The following GPD2 variants were observed in gnomAD, a reference collection of about 807,000 sequenced individuals.
The protein encoded by GPD2 is glycerol-3-phosphate dehydrogenase 2, also known as glycerol-3-phosphate dehydrogenase, mitochondrial.
Under a neutral mutation model 82.4 loss-of-function variants are expected in GPD2, and 54 were observed. That is an observed-to-expected ratio of 0.66 (90% CI 0.53 to 0.82). GPD2 has a LOEUF of 0.82. GPD2 is among the 40% of genes least tolerant of loss of function. The probability of loss-of-function intolerance (pLI) is 0.00; values close to 1 mark genes in which losing one functional copy is unlikely to be tolerated. For missense variants in GPD2, 748 were observed against 896.2 expected, an observed-to-expected ratio of 0.83 and a Z score of 2.11; for synonymous variants, 288 against 306.1, an observed-to-expected ratio of 0.94 and a Z score of 0.62.
rs1006594833 is a variant in GPD2, at chr2:156,457,833, T to C, written c.-8-18265T>C. Among the ~76,000 whole-genome samples the C allele has an allele frequency of 9.2e-5, 14 of 152,384 alleles. No homozygotes were observed. The East Asian group carries it at 2.1e-3, about 23-fold the overall frequency. ...TTATTGTAGATGCTCAGTAATGTTA[T>C]GTATTAGCAGTGGGAGTTGTTGGAT... On this transcript the variant is annotated intron_variant, in intron 1 of 16. Transcript: ENST00000438166.
intron 1 of GPD2, among the ~76,000 whole-genome samples, chr2:156,441,450 C>G (rs949804027): frequency 2.0e-5 from 3 of 151,830 alleles, no homozygotes; most frequent in African/African-American, 7.3e-5. Flanking sequence ...TCCTCACTAC[C>G]CTGGAGGCTG....
intron 16 of GPD2, among the ~76,000 whole-genome samples, chr2:156,580,490 A>T (rs1038041230): frequency 6.6e-6 from 1 of 152,228 alleles, no homozygotes; most frequent in Non-Finnish European, 1.5e-5. Context: ...CTAACTGTCC[A>T]TATGACTCTG....
At chr2:156,562,764 T>C (rs1982059) in intron 9 of GPD2, among the ~76,000 whole-genome samples, 108,831 of 152,024 alleles carry the variant, frequency 0.72, 39,058 homozygotes, top group Middle Eastern at 0.82. Context: ...ATTTTTTCAA[T>C]TAGCCGTGAA....
At position 156,454,168 on chromosome 2, in the gene GPD2, C is replaced by T. The variant is rs138592215; in HGVS notation, c.-9+17655C>T. Among the ~76,000 whole-genome samples the T allele has an allele frequency of 2.6e-5, 4 of 152,260 alleles. No homozygotes were observed. In the East Asian group the frequency reaches 5.8e-4, roughly 22 times the overall value. On this transcript the variant is annotated intron_variant, in intron 1 of 16. Transcript: ENST00000438166. ...CAGAGTCGTTACTCAAAGTGTTTGA[C>T]AACTCATGTGAAATGGTAACCTGCT...
chr2:156,407,445 T>C, the GPD2 span, among the ~76,000 whole-genome samples: 2 of 152,198 alleles, frequency 1.3e-5, no homozygotes, highest in African/African-American at 4.8e-5. Context: ...CACATAGAGC[T>C]AACTTTATCT....
At chr2:156,514,561 T>G (rs1033186668) in intron 6 of GPD2, among the ~76,000 whole-genome samples, 4 of 152,166 alleles carry the variant, frequency 2.6e-5, no homozygotes, top group South Asian at 2.1e-4. Context: ...TGTGTTTTTT[T>G]CTTCTTTCCA....
upstream of GPD2, among the ~76,000 whole-genome samples, chr2:156,431,472 G>T (rs537477944): frequency 6.6e-6 from 1 of 151,498 alleles, no homozygotes; most frequent in African/African-American, 2.4e-5. Flanking sequence ...AGAAGGGAAG[G>T]TTTTTGTTTT....
chr2:156,473,292 C>G (rs1414524504), intron 1 of GPD2, among the ~76,000 whole-genome samples: 1 of 152,094 alleles, frequency 6.6e-6, no homozygotes, highest in Non-Finnish European at 1.5e-5. Flanking sequence ...GTATTAGTGG[C>G]TCATTGGGAA....
At chr2:156,468,526 C>T (rs545600339) in intron 1 of GPD2, among the ~76,000 whole-genome samples, 1 of 152,118 alleles carries the variant, frequency 6.6e-6, no homozygotes, top group South Asian at 2.1e-4. Flanking sequence ...GGAGCATTTG[C>T]TACCTTTGGA....
chr2:156,516,813 CACTT>C (rs145507711), intron 6 of GPD2, among the ~76,000 whole-genome samples: 3,037 of 152,292 alleles, frequency 0.02, 101 homozygotes, highest in African/African-American at 0.069. Flanking sequence ...ATATCTTATA[CACTT>C]ACTTCAGCAA....
intron 6 of GPD2, among the ~76,000 whole-genome samples, chr2:156,535,437 GGAGAGA>G (rs34554584): frequency 7.5e-5 from 6 of 80,286 alleles, no homozygotes; most frequent in African/African-American, 3.1e-4. Context: ...AGGGGGGTGG[GGAGAGA>G]GAGAGAGAGA....
chr2:156,474,058 G>A (rs1454240136), intron 1 of GPD2, among the ~76,000 whole-genome samples: 9 of 152,140 alleles, frequency 5.9e-5, no homozygotes, highest in Non-Finnish European at 1.2e-4. Flanking sequence ...TAGAGACAGA[G>A]TCTTGTTCTG....
chr2:156,513,322 T>G lies in GPD2; in HGVS notation c.498-11T>G. On this transcript the variant is annotated splice_polypyrimidine_tract_variant and intron_variant, in intron 5 of 16. Coordinates refer to ENST00000438166, the MANE Select transcript of GPD2 (RefSeq NM_000408.5). Reference sequence around the variant, plus strand: ...GTTTCTGAAGAACTTTCCCCCCTATTTATGCTGTAGGTGGTGGCAGTTACC... The same window carrying G: ...GTTTCTGAAGAACTTTCCCCCCTATGTATGCTGTAGGTGGTGGCAGTTACC... The G allele has an allele frequency of 3.8e-6, 6 of 1,596,658 alleles. No homozygotes were observed. Among genetic ancestry groups the G allele is most frequent in the Non-Finnish European group, 5.1e-6 (6 of 1,165,938 alleles).
At chr2:156,580,368 C>T (rs1687984415) in intron 16 of GPD2, among the ~76,000 whole-genome samples, 1 of 152,170 alleles carries the variant, frequency 6.6e-6, no homozygotes, top group Admixed American at 6.5e-5. Context: ...ATTCAAGGCT[C>T]TGTTGTTTAA....
intron 1 of GPD2, among the ~76,000 whole-genome samples, chr2:156,450,010 C>T (rs928279492): frequency 9.4e-5 from 1 of 10,694 alleles, no homozygotes; most frequent in African/African-American, 1.2e-4. Context: ...GACTCTGTCT[C>T]AAAGAGAAAA....
chr2:156,563,295 G>C (rs1687243581), intron 9 of GPD2, among the ~76,000 whole-genome samples: 1 of 152,024 alleles, frequency 6.6e-6, no homozygotes, highest in Admixed American at 6.6e-5. Context: ...TATTATAATT[G>C]ACACTGCTGG....
chr2:156,466,295 A>G (rs1683146531), intron 1 of GPD2, among the ~76,000 whole-genome samples: 1 of 152,240 alleles, frequency 6.6e-6, no homozygotes, highest in South Asian at 2.1e-4. Flanking sequence ...ACTTGCGTGC[A>G]CTAACTATAG....
chr2:156,569,961 A>G, intron 11 of GPD2, 126 bp from the exon 12 acceptor site: 1 of 813,818 alleles, frequency 1.2e-6, no homozygotes, highest in South Asian at 1.6e-5. Flanking sequence ...AAAATATAAT[A>G]CTCTCCGAGA....
intron 13 of GPD2, among the ~76,000 whole-genome samples, chr2:156,576,821 G>T (rs1687839283): frequency 6.6e-6 from 1 of 152,210 alleles, no homozygotes. Flanking sequence ...AATTGTTGTT[G>T]CAGGGAAGCA....
Sources: allele counts gnomAD v4.1 joint callset (sites outside exome capture counted in the v4.1 genomes callset), GRCh38; gene constraint gnomAD v4.1.1; transcripts MANE v1.5; gene names NCBI Gene and HGNC (gene_info 2026-07-23, HGNC 2026-07-21).